Variants in CMYA5 observed in about 807,000 individuals in gnomAD.
The protein encoded by CMYA5 is cardiomyopathy-associated protein 5.
Under a neutral mutation model 318.9 loss-of-function variants are expected in CMYA5, and 246 were observed. That is an observed-to-expected ratio of 0.77 (90% CI 0.70 to 0.86). CMYA5 has a LOEUF of 0.86. CMYA5 is among the 40% of genes least tolerant of loss of function. The pLI is 0.00. For synonymous variants in CMYA5, 1,641 were observed against 1,729.5 expected, an observed-to-expected ratio of 0.95 and a Z score of 1.27; for missense variants, 4,589 against 4,678.2, an observed-to-expected ratio of 0.98 and a Z score of 0.56.
At position 79,763,126 on chromosome 5, in the gene CMYA5, A is replaced by T. The variant is rs1828684967; in HGVS notation, c.11472A>T (p.Arg3824=). 5 of 1,613,420 alleles carry T rather than the reference A, an allele frequency of 3.1e-6. No individual in the cohort carries two copies. The East Asian group carries it at 1.1e-4, about 36-fold the overall frequency. ...CTVCWNTATI[R]WRPTTPEATE... ...TGTGTTGGAACACAGCCACTATCCG[A>T]TGGCGGCCCACCACCCCAGAGGCCA... is the stretch of plus-strand genomic sequence containing the variant. Residue 3824 remains arginine (R), a synonymous_variant, in exon 9 of 13, where the codon CGA becomes CGT. Transcript: ENST00000446378.
Position 79,730,468 on chromosome 5 carries a change from C to T in CMYA5, c.1703C>T (p.Ala568Val). 1 of 1,613,860 alleles carries T rather than the reference C, an allele frequency of 6.2e-7. No individual in the cohort carries two copies. The highest frequency in any genetic ancestry group is 1.1e-5 in the South Asian group (1 of 91,072). The change falls in exon 2 of 13, where the codon GCA (alanine) becomes GTA (valine). Residue 568 changes from alanine (A) to valine (V), a missense_variant. Physicochemically the swap from Ala to Val is moderately conservative, Grantham distance 64. Around this residue, in one of 3 missense-constraint regions of CMYA5, gnomAD observed 2,132 missense variants for 2,131.3 expected, o/e 1.00. Coordinates refer to ENST00000446378, the MANE Select transcript of CMYA5 (RefSeq NM_153610.5). ...KEEELILPLL[A>V]ASSPEHVALS... ...GAAGAGCTTATTCTACCATTATTGG[C>T]AGCATCATCTCCTGAACATGTTGCT... is the stretch of plus-strand genomic sequence containing the variant.
At chr5:79,777,784 T>C (rs1174587666) in intron 9 of CMYA5, among the ~76,000 whole-genome samples, 1 of 138,394 alleles carries the variant, frequency 7.2e-6, no homozygotes, top group Non-Finnish European at 1.5e-5. Context: ...TTAAAAAAAA[T>C]AATAAAAATA....
In CMYA5 at chr5:79,761,795, T is replaced by A; in HGVS notation, c.11261-16T>A. The A allele has an allele frequency of 2.5e-6, 4 of 1,601,948 alleles. No individual in the cohort carries two copies. The highest frequency in any genetic ancestry group is 3.4e-6 in the Non-Finnish European group (4 of 1,174,222). On this transcript the variant is annotated splice_polypyrimidine_tract_variant and intron_variant, in intron 7 of 12. Coordinates refer to ENST00000446378, the MANE Select transcript of CMYA5 (RefSeq NM_153610.5). ...CTTTGGAAGATGTCTTCGATTTTAATTGTGTCTTATGCTAGAGTTGGTAGA... is the reference window on the plus strand; with the variant it reads ...CTTTGGAAGATGTCTTCGATTTTAAATGTGTCTTATGCTAGAGTTGGTAGA...
In CMYA5 at chr5:79,738,004, A is replaced by T; in HGVS notation, c.9239A>T (p.Glu3080Val). Reference sequence around the variant, plus strand: ...GCTCCACAGAAATTAAATGTTGAAGAGAAACTCTCAAAGGAAGTTACAGAA... The same window carrying T: ...GCTCCACAGAAATTAAATGTTGAAGTGAAACTCTCAAAGGAAGTTACAGAA... ...QKAPQKLNVE[E>V]KLSKEVTEET... Residue 3080 changes from glutamate to valine, a missense_variant, in exon 2 of 13, where the codon GAG becomes GTG. Physicochemically the swap from Glu to Val is moderately radical, Grantham distance 121 (BLOSUM62 -2). Transcript: ENST00000446378. 3 of 1,613,598 alleles carry T rather than the reference A, an allele frequency of 1.9e-6. No individual in the cohort carries two copies. Among genetic ancestry groups the T allele is most frequent in the Admixed American group, 3.3e-5 (2 of 59,944 alleles).
Position 79,739,321 on chromosome 5 carries a change from C to A in CMYA5, c.10556C>A (p.Pro3519Gln), listed in dbSNP as rs142926727. ...ACATACTGTTACACCTGCAAATGTC[C>A]AATTTCTGCCACTGACAAGGTGTTT... ...IDTYCYTCKC[P>Q]ISATDKVFGT... is the part of the protein sequence containing the mutation. Residue 3519 changes from proline (P) to glutamine (Q), a missense_variant, in exon 2 of 13, where the codon CCA becomes CAA. Coordinates refer to ENST00000446378, the MANE Select transcript of CMYA5 (RefSeq NM_153610.5). 1.2e-3 allele frequency: 1,894 copies of A among 1,586,006 alleles called. 18 individuals are homozygous for A. In the African/African-American group the frequency reaches 0.021, roughly 17 times the overall value.
intron 4 of CMYA5, 25 bp downstream of exon 4, chr5:79,745,480 A>C (rs1172148633): frequency 2.0e-6 from 3 of 1,517,100 alleles, no homozygotes; most frequent in East Asian, 4.5e-5. Context: ...AAATGGGCTC[A>C]AACACCTTGC....
intron 1 of CMYA5, among the ~76,000 whole-genome samples, chr5:79,708,648 T>A (rs1827321413): frequency 6.6e-6 from 1 of 151,800 alleles, no homozygotes; most frequent in African/African-American, 2.4e-5. Context: ...AGTAACATTT[T>A]AAAAAATGGA....
intron 9 of CMYA5, among the ~76,000 whole-genome samples, chr5:79,775,395 T>C (rs768352037): frequency 6.6e-6 from 1 of 152,108 alleles, no homozygotes; most frequent in Non-Finnish European, 1.5e-5. Flanking sequence ...GACCCAGACA[T>C]AGTAGAACCA....
At position 79,735,056 on chromosome 5, in the gene CMYA5, T is replaced by C; in HGVS notation, c.6291T>C (p.Pro2097=). The C allele has an allele frequency of 6.2e-7, 1 of 1,613,812 alleles. No individual in the cohort carries two copies. Among genetic ancestry groups the C allele is most frequent in the Non-Finnish European group, 8.5e-7 (1 of 1,179,804 alleles). The change falls in exon 2 of 13, where the codon CCT becomes CCC. Residue 2097 remains proline, a synonymous_variant. Transcript: ENST00000446378. The part of the protein sequence containing the change: ...KEAHRSTPPF[P]EEKPLEESKM... ...CACACAGGAGCACACCTCCTTTTCCTGAAGAGAAGCCATTGGAAGAATCAA... is the reference window on the plus strand; with the variant it reads ...CACACAGGAGCACACCTCCTTTTCCCGAAGAGAAGCCATTGGAAGAATCAA...
Position 79,734,549 on chromosome 5 carries a change from G to T in CMYA5, c.5784G>T (p.Gln1928His). The change falls in exon 2 of 13, where the codon CAG (glutamine) becomes CAT (histidine). Residue 1928 changes from glutamine to histidine, a missense_variant. Physicochemically the swap from Gln to His is conservative, Grantham distance 24. This residue lies in a region of CMYA5 where 2,431 missense variants were observed against 2,495.1 expected (regional missense o/e 0.97). Transcript: ENST00000446378. ...SSSSNELRPG[Q>H]LKAAVSSKDH... ...GCAGCAATGAGCTGAGGCCAGGGCAGCTCAAGGCTGCTGTGTCCAGTAAGG... is the reference window on the plus strand; with the variant it reads ...GCAGCAATGAGCTGAGGCCAGGGCATCTCAAGGCTGCTGTGTCCAGTAAGG... 6.2e-7 allele frequency: 1 copy of T among 1,613,892 alleles called. No individual in the cohort carries two copies. Among genetic ancestry groups the T allele is most frequent in the Non-Finnish European group, 8.5e-7 (1 of 1,179,836 alleles).
chr5:79,742,407 G>A (rs1828234573), intron 2 of CMYA5, among the ~76,000 whole-genome samples: 3 of 152,026 alleles, frequency 2.0e-5, no homozygotes, highest in Admixed American at 2.0e-4. Flanking sequence ...GTCTGGTCTC[G>A]AAGTCCTGGC....
chr5:79,736,251 A>C lies in CMYA5; in HGVS notation c.7486A>C (p.Ile2496Leu). ...TAGTAATGAAATAGGGAAGACACAA[A>C]TTACACTTGGATCTAGATCTACTGA... ...RDSNEIGKTQ[I>L]TLGSRSTELK... The change falls in exon 2 of 13, where the codon ATT becomes CTT. Residue 2496 changes from isoleucine (I) to leucine (L), a missense_variant. Ile to Leu is a conservative substitution (Grantham distance 5, BLOSUM62 2). Transcript: ENST00000446378. 4 of 1,613,446 alleles carry C rather than the reference A, an allele frequency of 2.5e-6. No individual in the cohort carries two copies. Among genetic ancestry groups the C allele is most frequent in the Non-Finnish European group, 2.5e-6 (3 of 1,179,724 alleles).
chr5:79,736,048 G>A lies in CMYA5; in HGVS notation c.7283G>A (p.Arg2428Lys). Residue 2428 changes from arginine (R) to lysine (K), a missense_variant, in exon 2 of 13, where the codon AGA (arginine) becomes AAA (lysine). Physicochemically the swap from Arg to Lys is conservative, Grantham distance 26. Transcript: ENST00000446378. ...AGTTTAATTGATTTCAGTGAAGACA[G>A]ACTCAAGAAAGAAATGCAAAATCCT... Reference protein sequence around the residue: ...KGSLIDFSEDRLKKEMQNPTS... With the variant: ...KGSLIDFSEDKLKKEMQNPTS... The A allele has an allele frequency of 1.9e-6, 3 of 1,612,378 alleles. No homozygotes were observed. Among genetic ancestry groups the A allele is most frequent in the Non-Finnish European group, 2.5e-6 (3 of 1,179,486 alleles).
At chr5:79,792,377 C>G (rs1829195872) in intron 11 of CMYA5, among the ~76,000 whole-genome samples, 1 of 152,074 alleles carries the variant, frequency 6.6e-6, no homozygotes, top group Admixed American at 6.5e-5. Context: ...TTTTGGATTC[C>G]TCAAAACATC....
rs1240200008 is a variant in CMYA5 at position 79,735,840 on chromosome 5, A to G, written c.7075A>G (p.Ile2359Val). The G allele has an allele frequency of 6.4e-7, 1 of 1,555,520 alleles. No individual in the cohort carries two copies. Among genetic ancestry groups the G allele is most frequent in the Non-Finnish European group, 8.6e-7 (1 of 1,159,312 alleles). ...PAIAPPSKWN[I>V]SIFKEEPRSD... The stretch of plus-strand genomic sequence containing the variant: ...AATCGCTCCTCCATCTAAATGGAAT[A>G]TTTCTATTTTTAAGGAAGAGCCAAG... Residue 2359 changes from isoleucine (I) to valine (V), a missense_variant, in exon 2 of 13, where the codon ATT becomes GTT. Around this residue, in one of 3 missense-constraint regions of CMYA5, gnomAD observed 2,431 missense variants for 2,495.1 expected, o/e 0.97. Coordinates refer to ENST00000446378, the MANE Select transcript of CMYA5 (RefSeq NM_153610.5).
At position 79,790,565 on chromosome 5, in the gene CMYA5, G is replaced by T. The variant is rs141913232; in HGVS notation, c.11690-405G>T. Reference sequence around the variant, plus strand: ...ATTACAGGCGTGAGCCACCTCACCCGGCCTGTATCCCCCAATTTTAATATG... The same window carrying T: ...ATTACAGGCGTGAGCCACCTCACCCTGCCTGTATCCCCCAATTTTAATATG... On this transcript the variant is annotated intron_variant, in intron 10 of 12. Coordinates refer to ENST00000446378, the MANE Select transcript of CMYA5 (RefSeq NM_153610.5). Among the ~76,000 whole-genome samples the T allele has an allele frequency of 4.3e-3, 656 of 152,210 alleles. 7 individuals carry two copies. Among genetic ancestry groups the T allele is most frequent in the African/African-American group, 0.015 (614 of 41,530 alleles).
In CMYA5 at chr5:79,763,151, A is replaced by ACGGAGAC. The variant is rs1444155713; in HGVS notation, c.11499_11505dup (p.Tyr3836GlyfsTer14). ...ATGGCGGCCCACCACCCCAGAGGCC[A>ACGGAGAC]CGGAGACCTACACTCTGGAGTACTG... is the stretch of plus-strand genomic sequence containing the variant. On this transcript the variant is annotated frameshift_variant, in exon 9 of 13. Coordinates refer to ENST00000446378, the MANE Select transcript of CMYA5 (RefSeq NM_153610.5). LOFTEE classifies it high-confidence loss of function. 9.3e-6 allele frequency: 15 copies of ACGGAGAC among 1,613,074 alleles called. No individual in the cohort carries two copies. The highest frequency in any genetic ancestry group is 1.6e-4 in the Middle Eastern group (1 of 6,062).
chr5:79,762,993 A>G (rs1828680893), intron 8 of CMYA5, 69 bp from the exon 9 acceptor site: 1 of 1,500,046 alleles, frequency 6.7e-7, no homozygotes, highest in Non-Finnish European at 9.1e-7. Context: ...GTGGAAGATC[A>G]CGTGCTTCTC....
In CMYA5 at chr5:79,737,268, G is replaced by T; in HGVS notation, c.8503G>T (p.Glu2835Ter). Residue 2835 changes from glutamate to a stop codon, truncating the protein, a stop_gained, in exon 2 of 13, where the codon GAA becomes TAA. Transcript: ENST00000446378. LOFTEE classifies it high-confidence loss of function. The part of the protein sequence containing the change: ...SPEINAVKKK[E>*]MPRSELTPER... ...AGAAATTAACGCAGTGAAGAAAAAA[G>T]AAATGCCACGATCAGAATTGACTCC... 1 of 1,613,764 alleles carries T rather than the reference G, an allele frequency of 6.2e-7. No individual in the cohort carries two copies. The highest frequency in any genetic ancestry group is 2.2e-5 in the East Asian group (1 of 44,876).
Sources: allele counts gnomAD v4.1 joint callset (sites outside exome capture counted in the v4.1 genomes callset), GRCh38; gene constraint gnomAD v4.1.1; regional missense constraint gnomAD v4.1.1; transcripts MANE v1.5; gene names NCBI Gene and HGNC (gene_info 2026-07-23, HGNC 2026-07-21).